Variants in SNX13 observed in about 807,000 individuals in gnomAD.
The protein encoded by SNX13 is sorting nexin 13, also known as sorting nexin-13.
In SNX13, 45 loss-of-function variants were observed where a neutral mutation model predicts 133.6. The ratio of observed to expected loss-of-function variants is 0.34; its 90% CI spans 0.27 to 0.43. The LOEUF (loss-of-function observed/expected upper bound fraction) is 0.43, where lower values mean the gene tolerates loss of function less well. Ranked by LOEUF, SNX13 falls within the 20% of genes least tolerant of loss-of-function variation. The probability of loss-of-function intolerance (pLI) is 1.00; values close to 1 mark genes in which losing one functional copy is unlikely to be tolerated. For missense variants in SNX13, 1,032 were observed against 1,145.1 expected (o/e 0.90, Z 1.43); for synonymous variants, 414 against 373.9 (o/e 1.11, Z -1.24).
At position 17,797,498 on chromosome 7, in the gene SNX13, T is replaced by C. The variant is rs114965269; in HGVS notation, c.2514-559A>G. ...TACTCCTGTTCCCTAATTCTTGGTC[T>C]GAAGGCAGGGACTGAGCACAAAAAC... is the stretch of plus-strand genomic sequence containing the variant. On this transcript the variant is annotated intron_variant, in intron 24 of 25. Coordinates refer to ENST00000428135, the MANE Select transcript of SNX13 (RefSeq NM_015132.5). Among the ~76,000 whole-genome samples, 753 of 151,966 alleles carry C rather than the reference T, an allele frequency of 5.0e-3. 3 individuals carry two copies. Among genetic ancestry groups the C allele is most frequent in the African/African-American group, 0.017 (718 of 41,528 alleles).
Position 17,868,505 on chromosome 7 carries a change from A to T in SNX13, c.754-15T>A. 1 of 1,564,252 alleles carries T rather than the reference A, an allele frequency of 6.4e-7. No individual in the cohort carries two copies. The highest frequency in any genetic ancestry group is 2.3e-5 in the East Asian group (1 of 44,366). ...GCAAGGATTTCCTGAAAAAAAAGTA[A>T]ATAACAAAAACAAATTTAATCTATT... On this transcript the variant is annotated splice_polypyrimidine_tract_variant and intron_variant, in intron 8 of 25. Coordinates refer to ENST00000428135, the MANE Select transcript of SNX13 (RefSeq NM_015132.5).
intron 1 of SNX13, 72 bp from the exon 2 acceptor site, chr7:17,897,518 C>G: frequency 2.3e-6 from 2 of 860,620 alleles, no homozygotes; most frequent in Non-Finnish European, 3.5e-6. Flanking sequence ...ACCAACAAAA[C>G]TTTTACATAG....
chr7:17,829,990 G>C lies in SNX13; in HGVS notation c.1635+20C>G, dbSNP rs981085500. On this transcript the variant is annotated intron_variant, in intron 16 of 25. Transcript: ENST00000428135. ...ATTATTTTCAAGTCACTTTAATAAA[G>C]TACCCATAATAGTACTTACCAAATT... is the stretch of plus-strand genomic sequence containing the variant. The C allele has an allele frequency of 2.7e-6, 4 of 1,491,844 alleles. No individual in the cohort carries two copies. Among genetic ancestry groups the C allele is most frequent in the Non-Finnish European group, 2.7e-6 (3 of 1,102,630 alleles). The allele number at this position is 1,491,844 out of a possible 1,614,324, so 92.4% of individuals were successfully genotyped here. A position where few individuals can be genotyped will look rare whatever the true frequency, so the allele number is the denominator to read the frequency against.
chr7:17,911,614 G>C (rs1033255059), intron 1 of SNX13, among the ~76,000 whole-genome samples: 1 of 145,752 alleles, frequency 6.9e-6, no homozygotes. Context: ...CTCCAGCCAC[G>C]GCAACAGAGC....
rs746999659 is a variant in SNX13 at position 17,891,593 on chromosome 7, C to G, written c.271G>C (p.Asp91His). 1 of 1,612,474 alleles carries G rather than the reference C, an allele frequency of 6.2e-7. No homozygotes were observed. Residue 91 changes from aspartate to histidine, a missense_variant, in exon 4 of 26, where the codon GAT (aspartate) becomes CAT (histidine). Physicochemically the swap from Asp to His is moderately conservative, Grantham distance 81 (BLOSUM62 -1). Coordinates refer to ENST00000428135, the MANE Select transcript of SNX13 (RefSeq NM_015132.5). ...ATATTGGCACCCGTCAATCTTCTAT[C>G]AATCTTAATAGTCCTGGCTTCCCGT... ...MKREARTIKIDRRLTGANIID... is the reference protein window; with the variant it reads ...MKREARTIKIHRRLTGANIID...
intron 9 of SNX13, among the ~76,000 whole-genome samples, chr7:17,854,243 T>G (rs1424875782): frequency 6.6e-6 from 1 of 152,230 alleles, no homozygotes; most frequent in African/African-American, 2.4e-5. Context: ...TAATTAAAAT[T>G]ATGCTACAGC....
intron 24 of SNX13, among the ~76,000 whole-genome samples, chr7:17,798,236 C>T (rs2691586): frequency 0.64 from 97,107 of 151,710 alleles, 33,329 homozygotes; most frequent in African/African-American, 0.9. Context: ...AAGTAGGGTA[C>T]CTACTTAATT....
chr7:17,812,046 T>C (rs1786103853), intron 20 of SNX13, among the ~76,000 whole-genome samples: 1 of 152,072 alleles, frequency 6.6e-6, no homozygotes, highest in Non-Finnish European at 1.5e-5. Context: ...ATAAAAACCC[T>C]AGAAGAAAAC....
At chr7:17,824,486 T>G (rs1787654059) in intron 17 of SNX13, among the ~76,000 whole-genome samples, 1 of 152,168 alleles carries the variant, frequency 6.6e-6, no homozygotes, top group South Asian at 2.1e-4. Context: ...ATTACCAATG[T>G]AATGAATTAG....
At chr7:17,868,698 A>C (rs1793696156) in intron 8 of SNX13, among the ~76,000 whole-genome samples, 1 of 152,128 alleles carries the variant, frequency 6.6e-6, no homozygotes, top group African/African-American at 2.4e-5. Flanking sequence ...CAACTTGGAC[A>C]CATCTCCACA....
intron 3 of SNX13, among the ~76,000 whole-genome samples, chr7:17,892,451 G>A (rs1796722886): frequency 6.7e-6 from 1 of 149,646 alleles, no homozygotes; most frequent in African/African-American, 2.5e-5. Flanking sequence ...ACTATAAATA[G>A]CTAAGAAATG....
intron 22 of SNX13, among the ~76,000 whole-genome samples, chr7:17,800,657 C>G (rs1426504716): frequency 6.6e-6 from 1 of 151,680 alleles, no homozygotes; most frequent in Non-Finnish European, 1.5e-5. Flanking sequence ...ATATATCTGA[C>G]AAACAACTCA....
intron 3 of SNX13, 91 bp from the exon 4 acceptor site, chr7:17,891,726 T>A: frequency 1.3e-6 from 1 of 754,994 alleles, no homozygotes. Context: ...GTAACATCCC[T>A]TCATTATCCT....
intron 1 of SNX13, among the ~76,000 whole-genome samples, chr7:17,908,377 A>G (rs531811553): frequency 8.9e-4 from 135 of 152,302 alleles, no homozygotes; most frequent in African/African-American, 3.0e-3. Context: ...ATTCTAAAAT[A>G]CTTGGCTTTT....
chr7:17,857,980 C>T (rs999701222), intron 9 of SNX13, among the ~76,000 whole-genome samples: 1 of 151,962 alleles, frequency 6.6e-6, no homozygotes, highest in African/African-American at 2.4e-5. Context: ...ATTCAACATG[C>T]CTTCAAAATA....
intron 22 of SNX13, among the ~76,000 whole-genome samples, chr7:17,801,009 C>CTTATAT: frequency 8.3e-6 from 1 of 120,170 alleles, no homozygotes; most frequent in East Asian, 2.2e-4. Flanking sequence ...TAAAACTGAA[C>CTTATAT]ATATATATAT....
intron 10 of SNX13, among the ~76,000 whole-genome samples, 186 bp downstream of exon 10, chr7:17,850,640 A>C (rs1352737318): frequency 6.6e-6 from 1 of 152,238 alleles, no homozygotes; most frequent in Non-Finnish European, 1.5e-5. Flanking sequence ...TAATTACAAT[A>C]ATCACATTCT....
intron 1 of SNX13, among the ~76,000 whole-genome samples, chr7:17,922,171 T>C (rs1035735820): frequency 1.3e-5 from 2 of 152,198 alleles, no homozygotes; most frequent in African/African-American, 4.8e-5. Context: ...ACACAGGCAG[T>C]GAGCACAGGG....
At chr7:17,844,250 T>C (rs1043306243) in intron 12 of SNX13, among the ~76,000 whole-genome samples, 22 of 152,004 alleles carry the variant, frequency 1.4e-4, no homozygotes, top group Non-Finnish European at 3.2e-4. Context: ...CTAATGACTC[T>C]ACAAAACTAA....
Sources: allele counts gnomAD v4.1 joint callset (sites outside exome capture counted in the v4.1 genomes callset), GRCh38; gene constraint gnomAD v4.1.1; transcripts MANE v1.5; gene names NCBI Gene and HGNC (gene_info 2026-07-23, HGNC 2026-07-21).